ZIK1: variants seen among roughly 807,000 people sequenced by gnomAD.
ZIK1 encodes the protein zinc finger protein interacting with ribonucleoprotein K.
In ZIK1, 12 loss-of-function variants were observed where a neutral mutation model predicts 10.7. The observed-to-expected ratio is 1.12, with a 90% CI of 0.72 to 1.81. The LOEUF is 1.81. Among genes scored for constraint, ZIK1 ranks in the 40% most tolerant of loss-of-function variants. ZIK1 has a pLI of 0.00. For missense variants in ZIK1, 497 were observed against 585.7 expected, an observed-to-expected ratio of 0.85 and a Z score of 1.56; for synonymous variants, 190 against 205.0, an observed-to-expected ratio of 0.93 and a Z score of 0.63.
rs374508813 is a variant in ZIK1 at position 57,588,651 on chromosome 19, T to C, written c.185T>C (p.Leu62Pro). The change falls in exon 3 of 4, where the codon CTT (leucine) becomes CCT (proline). Residue 62 changes from leucine to proline, a missense_variant. Coordinates refer to ENST00000597850, the MANE Select transcript of ZIK1 (RefSeq NM_001010879.4). Reference protein sequence around the residue: ...YLEVMLENFALVASLGCGHGT... With the variant: ...YLEVMLENFAPVASLGCGHGT... ...GAAGTGATGCTGGAGAACTTTGCCCTTGTAGCCTCACTGGGTAAGGCCCTA... is the reference window on the plus strand; with the variant it reads ...GAAGTGATGCTGGAGAACTTTGCCCCTGTAGCCTCACTGGGTAAGGCCCTA... 61 of 1,569,346 alleles carry C rather than the reference T, an allele frequency of 3.9e-5. 1 individual carries two copies. The highest frequency in any genetic ancestry group is 2.5e-4 in the Admixed American group (14 of 56,030).
rs989999358 is a variant in ZIK1 at position 57,591,352 on chromosome 19, C to T, written c.*77C>T. ...ATCATTTAGCTCCTGAAAGTCCACA[C>T]TTAAGTAGAGCCTTAGACCTACAGG... On this transcript the variant is annotated 3_prime_UTR_variant, in exon 4 of 4. Transcript: ENST00000597850. 7.0e-7 allele frequency: 1 copy of T among 1,425,520 alleles called. No homozygotes were observed. The highest frequency in any genetic ancestry group is 9.5e-7 in the Non-Finnish European group (1 of 1,048,762). The allele number at this position is 1,425,520 out of a possible 1,614,324, so 88.3% of individuals were successfully genotyped here.
intron 1 of ZIK1, chr19:57,584,605 G>A: frequency 3.6e-6 from 5 of 1,398,094 alleles, no homozygotes; most frequent in Non-Finnish European, 4.6e-6. Flanking sequence ...CATACCTGGA[G>A]TGCCAAGGTG....
intron 2 of ZIK1, among the ~76,000 whole-genome samples, chr19:57,586,424 G>A (rs977851302): frequency 3.3e-5 from 5 of 151,992 alleles, no homozygotes; most frequent in Admixed American, 1.3e-4. Flanking sequence ...TTAGCCAGGC[G>A]TGGTGGCAGG....
Position 57,590,366 on chromosome 19 carries a change from C to T in ZIK1, c.555C>T (p.Ser185=). 1 of 1,614,136 alleles carries T rather than the reference C, an allele frequency of 6.2e-7. No homozygotes were observed. The highest frequency in any genetic ancestry group is 1.1e-5 in the South Asian group (1 of 91,084). ...DLPAMLRLLR[S]LVFPGGKKPG... ...CAGCCATGTTGCGGCTTCTGAGGTC[C>T]CTGGTCTTTCCTGGAGGCAAGAAAC... The change falls in exon 4 of 4, where the codon TCC becomes TCT. Residue 185 remains serine (S), a synonymous_variant. Transcript: ENST00000597850.
rs1409007579 is a variant in ZIK1 at position 57,591,535 on chromosome 19, A to T, written c.*260A>T. On this transcript the variant is annotated 3_prime_UTR_variant, in exon 4 of 4. Transcript: ENST00000597850. Reference sequence around the variant, plus strand: ...ACTGGTCACTCCTATGTGCTAAGACAAGGCAGACATCTGTGTGTTCTCTTA... The same window carrying T: ...ACTGGTCACTCCTATGTGCTAAGACTAGGCAGACATCTGTGTGTTCTCTTA... 4.2e-6 allele frequency: 2 copies of T among 472,396 alleles called. No individual in the cohort carries two copies. The highest frequency in any genetic ancestry group is 7.5e-6 in the Non-Finnish European group (2 of 267,710). 29.3% of individuals were successfully genotyped at this position (472,396 alleles called of 1,614,324 possible).
intron 2 of ZIK1, among the ~76,000 whole-genome samples, chr19:57,587,769 A>G (rs1354283102): frequency 5.3e-5 from 8 of 152,142 alleles, no homozygotes; most frequent in Non-Finnish European, 1.2e-4. Context: ...ACCCTTGGTG[A>G]GTCTGGGGAG....
chr19:57,590,593 A>G lies in ZIK1; in HGVS notation c.782A>G (p.His261Arg). The G allele has an allele frequency of 6.2e-7, 1 of 1,614,260 alleles. No individual in the cohort carries two copies. Among genetic ancestry groups the G allele is most frequent in the Non-Finnish European group, 8.5e-7 (1 of 1,180,042 alleles). Residue 261 changes from histidine (H) to arginine (R), a missense_variant, in exon 4 of 4, where the codon CAT (histidine) becomes CGT (arginine). By Grantham distance (29) the His-to-Arg change is conservative. Coordinates refer to ENST00000597850, the MANE Select transcript of ZIK1 (RefSeq NM_001010879.4). The stretch of plus-strand genomic sequence containing the variant: ...TCACTTGTTCAGCACCAGAGAGTCC[A>G]TACTGGAGAAAGGCCTTGGGAGTGC... ...KYSLVQHQRV[H>R]TGERPWECNE... is the part of the protein sequence containing the mutation.
chr19:57,588,697 G>C (rs1908346823), intron 3 of ZIK1, 32 bp downstream of exon 3: 1 of 1,470,826 alleles, frequency 6.8e-7, no homozygotes, highest in Middle Eastern at 1.8e-4. Flanking sequence ...CAGTGTCCTG[G>C]TCTGTCTATG....
At chr19:57,589,330 A>T (rs1358331304) in intron 3 of ZIK1, 1 of 985,274 alleles carries the variant, frequency 1.0e-6, no homozygotes, top group Admixed American at 6.2e-5. Context: ...TTTTCCGATC[A>T]CATAAGGAGC....
At position 57,592,394 on chromosome 19, in the gene ZIK1, A is replaced by C. The variant is rs932570643; in HGVS notation, c.*1119A>C. 1.3e-5 allele frequency: 2 copies of C among 152,244 alleles called. No homozygotes were observed. Among genetic ancestry groups the C allele is most frequent in the African/African-American group, 4.8e-5 (2 of 41,456 alleles). The allele number at this position is 152,244 out of a possible 1,614,324, so 9.4% of individuals were successfully genotyped here. A position where few individuals can be genotyped will look rare whatever the true frequency, so the allele number is the denominator to read the frequency against. ...CCCGTGACTGTGGCTTTGAGCAGTC[A>C]TAGGACCTAGAAATCTGTGTATGTC... On this transcript the variant is annotated 3_prime_UTR_variant, in exon 4 of 4. Transcript: ENST00000597850.
Position 57,584,178 on chromosome 19 carries a change from C to G in ZIK1, c.-179C>G. 8.0e-7 allele frequency: 1 copy of G among 1,246,204 alleles called. No individual in the cohort carries two copies. Among genetic ancestry groups the G allele is most frequent in the Non-Finnish European group, 1.1e-6 (1 of 928,798 alleles). The allele number at this position is 1,246,204 out of a possible 1,614,324, so 77.2% of individuals were successfully genotyped here. A position where few individuals can be genotyped will look rare whatever the true frequency, so the allele number is the denominator to read the frequency against. ...TCATTTTTGCAGCGCTTGGGTGCAT[C>G]CAGACCGTCAGAGCTTTGGGAGCGC... On this transcript the variant is annotated 5_prime_UTR_variant, in exon 1 of 4. It adds an upstream start codon to the 5' untranslated region. Coordinates refer to ENST00000597850, the MANE Select transcript of ZIK1 (RefSeq NM_001010879.4).
chr19:57,591,642 A>T lies in ZIK1; in HGVS notation c.*367A>T, dbSNP rs1165357802. On this transcript the variant is annotated 3_prime_UTR_variant, in exon 4 of 4. Transcript: ENST00000597850. Reference sequence around the variant, plus strand: ...TCTGACTGATCACAGCATACGTGTGACCCAGTTTGGGTCAGGAGGGCCCAG... The same window carrying T: ...TCTGACTGATCACAGCATACGTGTGTCCCAGTTTGGGTCAGGAGGGCCCAG... The T allele has an allele frequency of 3.2e-5, 6 of 189,914 alleles. No homozygotes were observed. Among genetic ancestry groups the T allele is most frequent in the African/African-American group, 1.4e-4 (6 of 42,794 alleles). The allele number at this position is 189,914 out of a possible 1,614,324, so 11.8% of individuals were successfully genotyped here.
In ZIK1 at chr19:57,584,408, G is replaced by A; in HGVS notation, c.33+19G>A. 6.2e-7 allele frequency: 1 copy of A among 1,606,752 alleles called. No homozygotes were observed. Among genetic ancestry groups the A allele is most frequent in the South Asian group, 1.1e-5 (1 of 89,750 alleles). Reference sequence around the variant, plus strand: ...GACTCAGGTGAGCGCTGCCTCTACTGGGCCTCACCCTCCATCCCCAAATTA... The same window carrying A: ...GACTCAGGTGAGCGCTGCCTCTACTAGGCCTCACCCTCCATCCCCAAATTA... On this transcript the variant is annotated intron_variant, in intron 1 of 3. Coordinates refer to ENST00000597850, the MANE Select transcript of ZIK1 (RefSeq NM_001010879.4).
At chr19:57,588,012 A>T (rs1464710334) in intron 2 of ZIK1, among the ~76,000 whole-genome samples, 2 of 152,114 alleles carry the variant, frequency 1.3e-5, no homozygotes, top group Non-Finnish European at 1.5e-5. Flanking sequence ...CTGAGGTTGA[A>T]GCAAGGAACA....
At chr19:57,586,280 G>A (rs1979149545) in intron 2 of ZIK1, among the ~76,000 whole-genome samples, 1 of 151,988 alleles carries the variant, frequency 6.6e-6, no homozygotes, top group Non-Finnish European at 1.5e-5. Context: ...ATGCAGGAAA[G>A]GGCTGGGTGT....
At chr19:57,586,990 G>A (rs567748458) in intron 2 of ZIK1, among the ~76,000 whole-genome samples, 21 of 152,276 alleles carry the variant, frequency 1.4e-4, no homozygotes, top group South Asian at 4.2e-4. Context: ...TCATGATTCC[G>A]CGTGGCTGGG....
intron 2 of ZIK1, among the ~76,000 whole-genome samples, chr19:57,586,191 G>A (rs73060456): frequency 0.19 from 28,653 of 152,062 alleles, 2,821 homozygotes; most frequent in Middle Eastern, 0.25. Context: ...AAAAGGTGGT[G>A]GCCAGTGTTT....
chr19:57,589,301 G>C, intron 3 of ZIK1: 1 of 985,302 alleles, frequency 1.0e-6, no homozygotes, highest in Non-Finnish European at 1.2e-6. Flanking sequence ...AACTGGTTGG[G>C]GGCATGATAT....
chr19:57,585,864 G>A (rs528507355), intron 2 of ZIK1, among the ~76,000 whole-genome samples: 6 of 150,346 alleles, frequency 4.0e-5, no homozygotes, highest in South Asian at 4.3e-4. Context: ...ACATGCTACC[G>A]TGCTACCATG....
Sources: gnomAD v4.1 joint callset for allele counts (sites outside exome capture counted in the v4.1 genomes callset) on GRCh38, gnomAD v4.1.1 for gene constraint, MANE v1.5 for transcripts, NCBI Gene and HGNC (gene_info 2026-07-23, HGNC 2026-07-21) for gene names.